The following KCNT2 variants were observed in gnomAD, a reference collection of about 807,000 sequenced individuals.
The protein encoded by KCNT2 is potassium sodium-activated channel subfamily T member 2, also known as potassium channel subfamily T member 2.
KCNT2 carries 67 observed loss-of-function variants against 153.8 expected under a neutral mutation model. That is an observed-to-expected ratio of 0.44 (90% confidence interval 0.36 to 0.53). The LOEUF (loss-of-function observed/expected upper bound fraction) is 0.53. Ranked by LOEUF, KCNT2 falls within the 20% of genes least tolerant of loss-of-function variation. The probability of loss-of-function intolerance (pLI) is 0.00; values close to 1 mark genes in which losing one functional copy is unlikely to be tolerated. For missense variants in KCNT2, 975 were observed against 1,354.8 expected (o/e 0.72, Z 4.40); for synonymous variants, 500 against 458.8 (o/e 1.09, Z -1.15).
intron 14 of KCNT2, among the ~76,000 whole-genome samples, chr1:196,355,216 T>TA (rs1160767196): frequency 0.017 from 2,479 of 142,488 alleles, 63 homozygotes; most frequent in African/African-American, 0.056. Context: ...ATAGAAGTAA[T>TA]AAAAAAAAAA....
intron 22 of KCNT2, among the ~76,000 whole-genome samples, chr1:196,297,370 C>T (rs1369404892): frequency 6.6e-6 from 1 of 152,082 alleles, no homozygotes; most frequent in Non-Finnish European, 1.5e-5. Context: ...ACATTTTCCT[C>T]TTCACAATAG....
rs373849127 is a variant in KCNT2, at chr1:196,543,274, A to G, written c.96-50933T>C. On this transcript the variant is annotated intron_variant, in intron 1 of 27. Coordinates refer to ENST00000294725, the MANE Select transcript of KCNT2 (RefSeq NM_198503.5). ...CATCTGTCTTTCAGCAATATCTTAG[A>G]GAATTAACATTTTAACACACTGCAG... Among the ~76,000 whole-genome samples the G allele has an allele frequency of 1.3e-3, 201 of 152,254 alleles. 1 individual carries two copies. Among genetic ancestry groups the G allele is most frequent in the African/African-American group, 4.1e-3 (169 of 41,572 alleles).
chr1:196,268,359 A>C (rs938009851), intron 25 of KCNT2, among the ~76,000 whole-genome samples: 31 of 152,168 alleles, frequency 2.0e-4, no homozygotes, highest in Admixed American at 6.5e-4. Flanking sequence ...AATTCTTACC[A>C]CCTTCTATAT....
intron 25 of KCNT2, among the ~76,000 whole-genome samples, chr1:196,266,697 A>G (rs1657572786): frequency 6.6e-6 from 1 of 152,166 alleles, no homozygotes; most frequent in South Asian, 2.1e-4. Context: ...TCTCCTTTTA[A>G]TAGTCAAATT....
chr1:196,429,711 G>T lies in KCNT2; in HGVS notation c.685C>A (p.Leu229Ile), dbSNP rs770556557. 6.2e-7 allele frequency: 1 copy of T among 1,611,214 alleles called. No homozygotes were observed. The highest frequency in any genetic ancestry group is 1.3e-5 in the African/African-American group (1 of 74,810). ...ATGCAGAAATAAAGGGAGTCAAAGA[G>T]ATTCAGCTTCTTTCCTATTCGTTCC... Reference protein sequence around the residue: ...HLERIGKKLNLFDSLYFCIVT... With the variant: ...HLERIGKKLNIFDSLYFCIVT... The change falls in exon 9 of 28, where the codon CTC becomes ATC. Residue 229 changes from leucine to isoleucine, a missense_variant. Leu to Ile is a conservative substitution (Grantham distance 5, BLOSUM62 2). Transcript: ENST00000294725.
At chr1:196,306,253 GT>G (rs917648881) in intron 21 of KCNT2, among the ~76,000 whole-genome samples, 7 of 152,048 alleles carry the variant, frequency 4.6e-5, no homozygotes, top group Non-Finnish European at 1.0e-4. Context: ...CCATCACTAG[GT>G]TGAACTCATC....
intron 23 of KCNT2, among the ~76,000 whole-genome samples, chr1:196,284,260 T>TATAG (rs1486093709): frequency 2.5e-5 from 1 of 39,652 alleles, no homozygotes; most frequent in African/African-American, 4.9e-5. Flanking sequence ...TATATATATA[T>TATAG]ATATATATAT....
intron 25 of KCNT2, among the ~76,000 whole-genome samples, chr1:196,262,554 T>C (rs1395161194): frequency 6.6e-6 from 1 of 151,962 alleles, no homozygotes; most frequent in Non-Finnish European, 1.5e-5. Context: ...ACTTGAGGGA[T>C]CATCTAAATT....
intron 25 of KCNT2, among the ~76,000 whole-genome samples, chr1:196,269,179 A>G (rs1657828608): frequency 6.6e-6 from 1 of 152,224 alleles, no homozygotes; most frequent in Admixed American, 6.5e-5. Context: ...AGCAGATCTG[A>G]AAGAATGATT....
intron 19 of KCNT2, among the ~76,000 whole-genome samples, chr1:196,325,885 A>T (rs1006597308): frequency 6.6e-6 from 1 of 152,168 alleles, no homozygotes; most frequent in Non-Finnish European, 1.5e-5. Context: ...TACTGGGCAG[A>T]TGTCTCTCTT....
At chr1:196,460,130 C>G (rs1026879392) in intron 8 of KCNT2, among the ~76,000 whole-genome samples, 1 of 151,702 alleles carries the variant, frequency 6.6e-6, no homozygotes, top group Non-Finnish European at 1.5e-5. Flanking sequence ...TATATGGAGA[C>G]AAAATTGGCC....
chr1:196,414,094 A>C (rs1309995687), intron 12 of KCNT2, among the ~76,000 whole-genome samples: 1 of 151,738 alleles, frequency 6.6e-6, no homozygotes, highest in Middle Eastern at 3.2e-3. Context: ...TATAAAAAAA[A>C]GTTTCATAAT....
chr1:196,510,765 G>T (rs1270141638), intron 1 of KCNT2, among the ~76,000 whole-genome samples: 1 of 152,190 alleles, frequency 6.6e-6, no homozygotes, highest in Non-Finnish European at 1.5e-5. Context: ...TGCCTTAGCT[G>T]CAAATAGCCA....
chr1:196,509,835 A>G (rs1001997469), intron 1 of KCNT2, among the ~76,000 whole-genome samples: 1 of 152,194 alleles, frequency 6.6e-6, no homozygotes, highest in African/African-American at 2.4e-5. Context: ...ACTAAACTAA[A>G]TCTGAACTTC....
At chr1:196,331,301 G>T in intron 17 of KCNT2, 40 bp from the exon 18 acceptor site, 3 of 1,003,134 alleles carry the variant, frequency 3.0e-6, no homozygotes, top group Non-Finnish European at 4.8e-6. Context: ...GATAAGGCAT[G>T]CAAATTTGAG....
At chr1:196,285,988 C>A (rs1659618114) in intron 22 of KCNT2, among the ~76,000 whole-genome samples, 1 of 151,664 alleles carries the variant, frequency 6.6e-6, no homozygotes, top group African/African-American at 2.4e-5. Flanking sequence ...ATTTTTTGTA[C>A]ATTAAGCATG....
intron 16 of KCNT2, among the ~76,000 whole-genome samples, 183 bp downstream of exon 16, chr1:196,340,158 A>G (rs1048164117): frequency 1.3e-5 from 2 of 151,998 alleles, no homozygotes; most frequent in Admixed American, 6.6e-5. Context: ...CTAATATCTT[A>G]CTTTTTAAAA....
intron 25 of KCNT2, among the ~76,000 whole-genome samples, chr1:196,264,177 G>A (rs1220977183): frequency 1.3e-5 from 2 of 151,872 alleles, no homozygotes; most frequent in Non-Finnish European, 2.9e-5. Context: ...TTTTGTTCCT[G>A]TTTTATAACA....
intron 25 of KCNT2, among the ~76,000 whole-genome samples, chr1:196,278,844 C>A (rs1452313310): frequency 6.6e-6 from 1 of 152,104 alleles, no homozygotes; most frequent in Non-Finnish European, 1.5e-5. Context: ...TCCATCACCC[C>A]ACAATGCATA....
Sources: gnomAD v4.1 joint callset for allele counts (sites outside exome capture counted in the v4.1 genomes callset) on GRCh38, gnomAD v4.1.1 for gene constraint, MANE v1.5 for transcripts, NCBI Gene and HGNC (gene_info 2026-07-23, HGNC 2026-07-21) for gene names.